Variants in ZNF680 observed in about 807,000 individuals in gnomAD.
ZNF680 encodes hypothetical protein FLJ90430.
Under a neutral mutation model 12.1 loss-of-function variants are expected in ZNF680, and 6 were observed. The observed-to-expected ratio is 0.49, with a 90% CI of 0.27 to 0.98. The LOEUF (loss-of-function observed/expected upper bound fraction) is 0.98. ZNF680 is among the 50% of genes least tolerant of loss of function. ZNF680 has a pLI of 0.12. For synonymous variants in ZNF680, 170 were observed against 199.3 expected (o/e 0.85, Z 1.24); for missense variants, 561 against 616.3 (o/e 0.91, Z 0.95).
the ZNF680 span, among the ~76,000 whole-genome samples, chr7:64,507,518 AT>A: frequency 5.4e-5 from 8 of 148,704 alleles, no homozygotes; most frequent in East Asian, 2.0e-4. Context: ...CAATTATTCT[AT>A]TTTTTTTTTT....
intron 1 of ZNF680, among the ~76,000 whole-genome samples, chr7:64,555,683 A>G (rs1051809574): frequency 6.6e-6 from 1 of 150,532 alleles, no homozygotes; most frequent in Admixed American, 6.6e-5. Flanking sequence ...ATTTAAACAG[A>G]AAAAAAATAC....
chr7:64,539,818 A>C (rs1172407599), intron 3 of ZNF680, among the ~76,000 whole-genome samples: 1 of 152,022 alleles, frequency 6.6e-6, no homozygotes, highest in Non-Finnish European at 1.5e-5. Flanking sequence ...TGTCTTTAAA[A>C]ATAGTTTTTT....
chr7:64,544,229 T>C (rs1562763317), intron 2 of ZNF680, 77 bp downstream of exon 2: 2 of 1,527,596 alleles, frequency 1.3e-6, no homozygotes, highest in Non-Finnish European at 1.8e-6. Context: ...AAAGCACAAA[T>C]TACCACAAGT....
chr7:64,505,636 C>T, the ZNF680 span, among the ~76,000 whole-genome samples: 27 of 152,170 alleles, frequency 1.8e-4, no homozygotes, highest in Admixed American at 1.8e-3. Flanking sequence ...TTCTAAATGT[C>T]ATTCCATAGT....
At chr7:64,501,865 T>A in the ZNF680 span, 2 of 523,616 alleles carry the variant, frequency 3.8e-6, no homozygotes, top group Non-Finnish European at 7.1e-6. Flanking sequence ...CCATGTTAAT[T>A]CATATTGCCC....
At position 64,541,854 on chromosome 7, in the gene ZNF680, G is replaced by C. The variant is rs191369599; in HGVS notation, c.253+1853C>G. ...CCTGCAGACCTTGTCCTTTACTGTG[G>C]TTTCTGAAGCAGTTCGATGACTCAG... On this transcript the variant is annotated intron_variant, in intron 3 of 3. Transcript: ENST00000309683. Among the ~76,000 whole-genome samples, 321 of 152,280 alleles carry C rather than the reference G, an allele frequency of 2.1e-3. 3 individuals are homozygous for C. Among genetic ancestry groups the C allele is most frequent in the African/African-American group, 7.4e-3 (306 of 41,564 alleles).
At chr7:64,537,676 C>T (rs1313023369) in intron 3 of ZNF680, among the ~76,000 whole-genome samples, 1 of 152,078 alleles carries the variant, frequency 6.6e-6, no homozygotes, top group Non-Finnish European at 1.5e-5. Context: ...GCCTGTAATC[C>T]CAGCATTTTG....
chr7:64,511,043 G>A, the ZNF680 span, among the ~76,000 whole-genome samples: 12 of 151,354 alleles, frequency 7.9e-5, no homozygotes, highest in South Asian at 2.1e-4. Context: ...AGGCCAAGGC[G>A]GGTGGATCAC....
chr7:64,499,524 G>T, the ZNF680 span, among the ~76,000 whole-genome samples: 1 of 152,216 alleles, frequency 6.6e-6, no homozygotes, highest in Non-Finnish European at 1.5e-5. Context: ...TTGGGAGGCC[G>T]AAGCGGGCAG....
downstream of ZNF680, among the ~76,000 whole-genome samples, chr7:64,518,358 T>C (rs981938477): frequency 2.0e-5 from 3 of 151,810 alleles, no homozygotes; most frequent in African/African-American, 7.3e-5. Flanking sequence ...AAAATATACC[T>C]AAACAATGAC....
At chr7:64,505,743 A>AT in the ZNF680 span, among the ~76,000 whole-genome samples, 22 of 146,622 alleles carry the variant, frequency 1.5e-4, no homozygotes, top group East Asian at 4.2e-3. Context: ...ATGAGAGGTG[A>AT]TTTTTTTTCT....
the ZNF680 span, among the ~76,000 whole-genome samples, chr7:64,502,821 C>A: frequency 2.0e-5 from 3 of 152,070 alleles, no homozygotes; most frequent in Non-Finnish European, 4.4e-5. Context: ...TCTGTTAAGG[C>A]AATGCAGGTT....
At chr7:64,553,519 C>T (rs1787196201) in intron 1 of ZNF680, among the ~76,000 whole-genome samples, 3 of 152,136 alleles carry the variant, frequency 2.0e-5, no homozygotes, top group African/African-American at 7.2e-5. Context: ...AAGGAGTGGC[C>T]TTGGGCACAC....
chr7:64,554,084 C>A (rs1371055955), intron 1 of ZNF680, among the ~76,000 whole-genome samples: 4 of 151,514 alleles, frequency 2.6e-5, no homozygotes, highest in Admixed American at 6.6e-5. Flanking sequence ...CCCGGCCGCC[C>A]AGTCTGGGAA....
chr7:64,539,377 A>AAAG (rs1786374990), intron 3 of ZNF680, among the ~76,000 whole-genome samples: 3 of 88,922 alleles, frequency 3.4e-5, no homozygotes, highest in African/African-American at 1.3e-4. Flanking sequence ...AAAAAAAAAG[A>AAAG]AAAGAAAATC....
Position 64,521,830 on chromosome 7 carries a change from G to A in ZNF680, c.924C>T (p.Thr308=), listed in dbSNP as rs1562734089. 1.2e-6 allele frequency: 2 copies of A among 1,613,166 alleles called. No homozygotes were observed. Among genetic ancestry groups the A allele is most frequent in the East Asian group, 2.2e-5 (1 of 44,806 alleles). Residue 308 remains threonine, a synonymous_variant, in exon 4 of 4, where the codon ACC becomes ACT. Transcript: ENST00000309683. ...TATGAATTCTCTTATGGTTAGTAAG[G>A]GTTGCAAACCAGTTAAAGGCTTTGT... ...ECHKAFNWFA[T]LTNHKRIHTG... is the part of the protein sequence containing the mutation.
rs553308041 is a variant in ZNF680, at chr7:64,556,861, TAAAC to T, written c.30+6060_30+6063del. ...ACAGCAAAGCAAACTATCAATAGAG[TAAAC>T]AAACAACCTACACAATAAAAAGAAA... On this transcript the variant is annotated intron_variant, in intron 1 of 3. Transcript: ENST00000309683. 4.5e-3 allele frequency among the ~76,000 whole-genome samples: 691 copies of T among 152,024 alleles called. 5 individuals are homozygous for T. Among genetic ancestry groups the T allele is most frequent in the Non-Finnish European group, 7.6e-3 (514 of 67,944 alleles).
Position 64,520,977 on chromosome 7 carries a change from T to C in ZNF680, c.*184A>G, listed in dbSNP as rs896574073. On this transcript the variant is annotated 3_prime_UTR_variant, in exon 4 of 4. Transcript: ENST00000309683. ...TACAATCTTTCTCAAGTAAAAATGC[T>C]TTCCTGTGCAATAAGATGTGAGTAT... The C allele has an allele frequency of 3.3e-6, 2 of 605,288 alleles. No individual in the cohort carries two copies. The highest frequency in any genetic ancestry group is 3.7e-5 in the African/African-American group (2 of 53,610). The allele number at this position is 605,288 out of a possible 1,614,324, so 37.5% of individuals were successfully genotyped here. A position where few individuals can be genotyped will look rare whatever the true frequency, so the allele number is the denominator to read the frequency against.
chr7:64,557,106 C>A lies in ZNF680; in HGVS notation c.30+5819G>T, dbSNP rs534618711. Among the ~76,000 whole-genome samples, 10 of 151,172 alleles carry A rather than the reference C, an allele frequency of 6.6e-5. No individual in the cohort carries two copies. In the East Asian group the frequency reaches 2.0e-3, roughly 30 times the overall value. On this transcript the variant is annotated intron_variant, in intron 1 of 3. Coordinates refer to ENST00000309683, the MANE Select transcript of ZNF680 (RefSeq NM_178558.5). ...TCTACTAAAAATACAAAAAAATTAG[C>A]CAGGCGTAGTGGCAGTCACCTGTAG...
Sources: gnomAD v4.1 joint callset for allele counts (sites outside exome capture counted in the v4.1 genomes callset) on GRCh38, gnomAD v4.1.1 for gene constraint, MANE v1.5 for transcripts, NCBI Gene and HGNC (gene_info 2026-07-23, HGNC 2026-07-21) for gene names.